CIMIP7: variants seen among roughly 807,000 people sequenced by gnomAD.
CIMIP7 encodes uncharacterized protein C3orf84.
chr3:49,179,664 C>T, the CIMIP7 span, among the ~76,000 whole-genome samples: 68 of 152,292 alleles, frequency 4.5e-4, no homozygotes, highest in African/African-American at 1.6e-3. Context: ...CCTAACCCTG[C>T]ATTTTTCACC....
chr3:49,181,823 T>A, the CIMIP7 span, among the ~76,000 whole-genome samples: 78 of 152,330 alleles, frequency 5.1e-4, no homozygotes, highest in African/African-American at 1.9e-3. Flanking sequence ...GGGTTCTTCG[T>A]CTCACTGACA....
chr3:49,178,537 TC>T, the CIMIP7 span: 1 of 1,613,198 alleles, frequency 6.2e-7, no homozygotes, highest in Non-Finnish European at 8.5e-7. Context: ...CTGCGCCGGC[TC>T]CTTGAAAGAC....
At chr3:49,186,298 T>C in the CIMIP7 span, among the ~76,000 whole-genome samples, 905 of 151,022 alleles carry the variant, frequency 6.0e-3, 9 homozygotes, top group African/African-American at 0.021. Flanking sequence ...AGTGCAGTGT[T>C]GCGATCTCAG....
chr3:49,178,530 C>T, the CIMIP7 span: 16 of 1,613,452 alleles, frequency 9.9e-6, no homozygotes, highest in South Asian at 6.6e-5. Flanking sequence ...AGTGTCGCTG[C>T]GCCGGCTCCT....
At chr3:49,181,958 C>T in the CIMIP7 span, among the ~76,000 whole-genome samples, 33 of 152,244 alleles carry the variant, frequency 2.2e-4, no homozygotes, top group Non-Finnish European at 3.7e-4. Context: ...GGTTCGTGGT[C>T]TCGCTGGCTC....
the CIMIP7 span, chr3:49,178,434 G>C: frequency 2.2e-5 from 35 of 1,569,072 alleles, no homozygotes; most frequent in Non-Finnish European, 3.0e-5. Context: ...CCAGACTTCA[G>C]CTTAGGCTGG....
the CIMIP7 span, among the ~76,000 whole-genome samples, chr3:49,180,795 T>C: frequency 6.6e-6 from 1 of 151,754 alleles, no homozygotes; most frequent in African/African-American, 2.4e-5. Flanking sequence ...CTGGGTGTGA[T>C]GGCGGGCGCC....
At chr3:49,183,029 G>A in the CIMIP7 span, among the ~76,000 whole-genome samples, 3 of 152,294 alleles carry the variant, frequency 2.0e-5, no homozygotes, top group East Asian at 1.9e-4. Context: ...TGAGGGAGCC[G>A]TCTCGGGCCT....
At chr3:49,181,470 G>C in the CIMIP7 span, among the ~76,000 whole-genome samples, 1 of 151,958 alleles carries the variant, frequency 6.6e-6, no homozygotes, top group Admixed American at 6.6e-5. Context: ...GGGCAGTGTG[G>C]AAAGGCTCCC....
chr3:49,191,820 A>G, the CIMIP7 span: 1 of 1,526,718 alleles, frequency 6.5e-7, no homozygotes, highest in Non-Finnish European at 8.8e-7. Context: ...TGTCTTTTGG[A>G]GGGTATCTTC....
the CIMIP7 span, among the ~76,000 whole-genome samples, chr3:49,183,422 C>T: frequency 6.6e-6 from 1 of 152,178 alleles, no homozygotes; most frequent in Admixed American, 6.5e-5. Context: ...GTGGCTCATC[C>T]TGTAATCCCA....
At chr3:49,188,176 G>A in the CIMIP7 span, among the ~76,000 whole-genome samples, 1 of 152,248 alleles carries the variant, frequency 6.6e-6, no homozygotes, top group African/African-American at 2.4e-5. Context: ...TTGGTAGGCT[G>A]TAGCAGGCAG....
At chr3:49,188,766 C>T in the CIMIP7 span, among the ~76,000 whole-genome samples, 1 of 152,040 alleles carries the variant, frequency 6.6e-6, no homozygotes, top group Admixed American at 6.6e-5. Context: ...ATGCTTGTTA[C>T]TGTTGTGACT....
At chr3:49,185,060 A>G in the CIMIP7 span, among the ~76,000 whole-genome samples, 16 of 151,802 alleles carry the variant, frequency 1.1e-4, no homozygotes, top group African/African-American at 3.9e-4. Flanking sequence ...TCGGGAGTTC[A>G]AGACCAGCCT....
the CIMIP7 span, among the ~76,000 whole-genome samples, chr3:49,179,861 G>C: frequency 6.6e-6 from 1 of 152,232 alleles, no homozygotes; most frequent in Non-Finnish European, 1.5e-5. Flanking sequence ...AAACAGGCTG[G>C]GCACGGTGGC....
At chr3:49,189,119 G>A in the CIMIP7 span, among the ~76,000 whole-genome samples, 41 of 152,146 alleles carry the variant, frequency 2.7e-4, 1 homozygote, top group South Asian at 7.3e-3. Flanking sequence ...AGAGGCATGC[G>A]CCACCAAGCC....
At chr3:49,190,266 T>C in the CIMIP7 span, 28 of 624,142 alleles carry the variant, frequency 4.5e-5, no homozygotes, top group Non-Finnish European at 7.6e-5. Context: ...CCTGACAGAA[T>C]AGAAAGAATC....
chr3:49,190,663 ATTTTTTTT>A, the CIMIP7 span, among the ~76,000 whole-genome samples: 66 of 99,978 alleles, frequency 6.6e-4, no homozygotes, highest in African/African-American at 2.4e-3. Context: ...GCCAGGCTGA[ATTTTTTTT>A]TTTTTTTTTT....
the CIMIP7 span, chr3:49,190,210 A>C: frequency 1.8e-6 from 2 of 1,086,244 alleles, no homozygotes; most frequent in South Asian, 2.8e-5. Flanking sequence ...CAGGGCCCCA[A>C]CTGAGGGTTC....
Sources: allele counts gnomAD v4.1 joint callset (sites outside exome capture counted in the v4.1 genomes callset), GRCh38; gene constraint gnomAD v4.1.1; transcripts MANE v1.5; gene names NCBI Gene and HGNC (gene_info 2026-07-23, HGNC 2026-07-21).